The following TSHZ3 variants were observed in gnomAD, a reference collection of about 807,000 sequenced individuals.
The protein encoded by TSHZ3 is teashirt homolog 3.
Under a neutral mutation model 64.5 loss-of-function variants are expected in TSHZ3, and 10 were observed. The observed-to-expected ratio is 0.16, with a 90% confidence interval of 0.10 to 0.26. TSHZ3 has a LOEUF of 0.26. TSHZ3 is among the 10% of genes least tolerant of loss of function. TSHZ3 has a pLI of 1.00. For missense variants in TSHZ3, 1,242 were observed against 1,421.7 expected (o/e 0.87, Z 2.03); for synonymous variants, 608 against 593.1 (o/e 1.03, Z -0.36).
intron 5 of TSHZ3, among the ~76,000 whole-genome samples, chr19:31,179,899 C>T (rs1224913881): frequency 2.0e-5 from 3 of 151,760 alleles, no homozygotes; most frequent in Admixed American, 6.6e-5. Context: ...TCATATAGTG[C>T]CACTCAGCGT....
chr19:31,276,440 G>T lies in TSHZ3; in HGVS notation c.*107C>A. 1 of 1,095,940 alleles carries T rather than the reference G, an allele frequency of 9.1e-7. No individual in the cohort carries two copies. The highest frequency in any genetic ancestry group is 1.3e-6 in the Non-Finnish European group (1 of 756,436). 67.9% of individuals were successfully genotyped at this position (1,095,940 alleles called of 1,614,324 possible). ...GTCCAGCCCAGAGTGATTCTCTGCAGTTAAAATAAGAACATGTGCCAAGAA... is the reference window on the plus strand; with the variant it reads ...GTCCAGCCCAGAGTGATTCTCTGCATTTAAAATAAGAACATGTGCCAAGAA... On this transcript the variant is annotated 3_prime_UTR_variant, in exon 2 of 2. Coordinates refer to ENST00000240587, the MANE Select transcript of TSHZ3 (RefSeq NM_020856.4).
Position 31,278,830 on chromosome 19 carries a change from C to T in TSHZ3, c.963G>A (p.Arg321=). ...GCTCCAGCTCCAGGGAAGCTTTCTT[C>T]CGAGTGGCAGGGATGATTTTGGCGG... The part of the protein sequence containing the change: ...PVAAKIIPAT[R]KKASLELELP... The change falls in exon 2 of 2, where the codon CGG becomes CGA. Residue 321 remains arginine (R), a synonymous_variant. Transcript: ENST00000240587. The surrounding 1 kb of genome is among the most constrained non-coding windows in gnomAD (Gnocchi z 4.7). 2.5e-6 allele frequency: 4 copies of T among 1,614,128 alleles called. No individual in the cohort carries two copies. The highest frequency in any genetic ancestry group is 3.4e-6 in the Non-Finnish European group (4 of 1,180,030).
chr19:31,251,135 T>C (rs1301635278), intron 1 of TSHZ3, among the ~76,000 whole-genome samples: 1 of 152,096 alleles, frequency 6.6e-6, no homozygotes, highest in Non-Finnish European at 1.5e-5. Flanking sequence ...AATAGAACCC[T>C]GGAACTCAGT....
At chr19:31,246,004 A>G (rs1002195110) in intron 1 of TSHZ3, among the ~76,000 whole-genome samples, 1 of 152,248 alleles carries the variant, frequency 6.6e-6, no homozygotes, top group Non-Finnish European at 1.5e-5. Context: ...GATATTCCAT[A>G]GATGAGGCAT....
chr19:31,167,211 A>C (rs1424353139), intron 5 of TSHZ3, among the ~76,000 whole-genome samples: 1 of 152,238 alleles, frequency 6.6e-6, no homozygotes, highest in African/African-American at 2.4e-5. Flanking sequence ...AAGTAATTTA[A>C]CATCTGCTGC....
chr19:31,218,647 C>G (rs1975361903), intron 4 of TSHZ3, among the ~76,000 whole-genome samples: 1 of 152,158 alleles, frequency 6.6e-6, no homozygotes, highest in South Asian at 2.1e-4. Flanking sequence ...TTTGAAGCAA[C>G]CAAGTCATCC....
At chr19:31,315,849 G>T (rs1444925533) in intron 1 of TSHZ3, among the ~76,000 whole-genome samples, 1 of 152,074 alleles carries the variant, frequency 6.6e-6, no homozygotes, top group Non-Finnish European at 1.5e-5. Flanking sequence ...TGACAAGAAA[G>T]GTGATTTATT....
chr19:31,210,185 AG>A (rs1975245052), intron 4 of TSHZ3, among the ~76,000 whole-genome samples: 1 of 152,182 alleles, frequency 6.6e-6, no homozygotes, highest in Admixed American at 6.5e-5. Flanking sequence ...GGGCAGGTCC[AG>A]GGACCAAAGG....
intron 1 of TSHZ3, among the ~76,000 whole-genome samples, chr19:31,284,004 T>A (rs1452501778): frequency 2.0e-5 from 3 of 152,166 alleles, no homozygotes; most frequent in Non-Finnish European, 2.9e-5. Flanking sequence ...CGTCCACCGA[T>A]TCGACCCAAC....
intron 3 of TSHZ3, among the ~76,000 whole-genome samples, chr19:31,230,053 C>G (rs1975518428): frequency 1.3e-5 from 2 of 152,062 alleles, no homozygotes; most frequent in Non-Finnish European, 2.9e-5. Context: ...GGAATTTATC[C>G]TCAGAAAATA....
chr19:31,320,718 G>A (rs1916745076), intron 1 of TSHZ3, among the ~76,000 whole-genome samples: 1 of 152,224 alleles, frequency 6.6e-6, no homozygotes, highest in African/African-American at 2.4e-5. Context: ...GCCTGAGTCT[G>A]CAGTGCACCC....
rs552355074 is a variant in TSHZ3 at position 31,228,082 on chromosome 19, G to A, written n.609C>T. ...TAACATTCTCCGTGGAACATCTAGA[G>A]TCATCTTCTTAAACTTCAAATCTGC... On this transcript the variant is annotated non_coding_transcript_exon_variant, in exon 4 of 7. Coordinates refer to the TSHZ3 transcript ENST00000651361. Among the ~76,000 whole-genome samples the A allele has an allele frequency of 7.2e-5, 11 of 152,254 alleles. No individual in the cohort carries two copies. In the South Asian group the frequency reaches 2.3e-3, roughly 32 times the overall value.
intron 1 of TSHZ3, among the ~76,000 whole-genome samples, chr19:31,248,273 G>C (rs1231373957): frequency 6.6e-6 from 1 of 152,146 alleles, no homozygotes; most frequent in African/African-American, 2.4e-5. Context: ...GAGGAAGAGA[G>C]AAAAGAATAA....
At chr19:31,343,640 C>G (rs1419156731) in intron 1 of TSHZ3, among the ~76,000 whole-genome samples, 1 of 151,330 alleles carries the variant, frequency 6.6e-6, no homozygotes, top group Non-Finnish European at 1.5e-5. Context: ...TTTTTACTTC[C>G]AAAAATGCAT....
chr19:31,244,179 G>A (rs1052374254), intron 1 of TSHZ3, among the ~76,000 whole-genome samples: 2 of 152,158 alleles, frequency 1.3e-5, no homozygotes, highest in Non-Finnish European at 2.9e-5. Context: ...CAGTGTTGGA[G>A]GTGGGGCCTG....
At position 31,306,528 on chromosome 19, in the gene TSHZ3, T is replaced by C. The variant is rs185657763; in HGVS notation, c.41-26776A>G. On this transcript the variant is annotated intron_variant, in intron 1 of 1. Transcript: ENST00000240587. ...TTGAGAGGGCACACGTGCACGTGCGTGGGTGCGCATGTGCACTCATGCATG... is the reference window on the plus strand; with the variant it reads ...TTGAGAGGGCACACGTGCACGTGCGCGGGTGCGCATGTGCACTCATGCATG... Among the ~76,000 whole-genome samples the C allele has an allele frequency of 2.5e-3, 380 of 152,184 alleles. 1 individual carries two copies. Among genetic ancestry groups the C allele is most frequent in the Non-Finnish European group, 4.1e-3 (278 of 68,002 alleles).
At chr19:31,274,632 C>A (rs895445540), downstream of TSHZ3, among the ~76,000 whole-genome samples, 2 of 151,962 alleles carry the variant, frequency 1.3e-5, no homozygotes, top group African/African-American at 4.8e-5. Context: ...CAGGTGTGAC[C>A]GGAAGCTCTG....
chr19:31,307,916 T>C (rs1319192035), intron 1 of TSHZ3, among the ~76,000 whole-genome samples: 1 of 152,170 alleles, frequency 6.6e-6, no homozygotes, highest in East Asian at 1.9e-4. Context: ...TGGCAGAAAC[T>C]TGTATGACTC....
intron 1 of TSHZ3, among the ~76,000 whole-genome samples, chr19:31,332,318 C>A (rs937436063): frequency 1.3e-5 from 2 of 152,212 alleles, no homozygotes; most frequent in Non-Finnish European, 2.9e-5. Flanking sequence ...CTGCTTAATA[C>A]CCCTGGAATG....
Sources: allele counts gnomAD v4.1 joint callset (sites outside exome capture counted in the v4.1 genomes callset), GRCh38; gene constraint gnomAD v4.1.1; non-coding constraint Gnocchi (gnomAD v3.1); transcripts MANE v1.5; gene names NCBI Gene and HGNC (gene_info 2026-07-23, HGNC 2026-07-21).